Variants in ZCCHC14 observed in about 807,000 individuals in gnomAD.
ZCCHC14 encodes the protein zinc finger CCHC-type containing 14, also known as zinc finger CCHC domain-containing protein 14.
In ZCCHC14, 16 loss-of-function variants were observed where a neutral mutation model predicts 85.0. That is an observed-to-expected ratio of 0.19 (90% CI 0.13 to 0.29). The LOEUF (loss-of-function observed/expected upper bound fraction) is 0.29. Among genes scored for constraint, ZCCHC14 ranks in the 10% least tolerant of loss-of-function variants. The pLI, the probability that ZCCHC14 is intolerant of heterozygous loss-of-function variation, is 1.00. For synonymous variants in ZCCHC14, 775 were observed against 630.7 expected, an observed-to-expected ratio of 1.23 and a Z score of -3.43; for missense variants, 1,303 against 1,443.5, an observed-to-expected ratio of 0.90 and a Z score of 1.58.
At chr16:87,442,770 T>C (rs1318736331) in intron 2 of ZCCHC14, among the ~76,000 whole-genome samples, 8 of 152,056 alleles carry the variant, frequency 5.3e-5, no homozygotes, top group Non-Finnish European at 1.0e-4. Flanking sequence ...TCAAAAACAA[T>C]ACATTACCTC....
intron 2 of ZCCHC14, among the ~76,000 whole-genome samples, chr16:87,443,386 G>A (rs1351557067): frequency 6.6e-6 from 1 of 152,136 alleles, no homozygotes; most frequent in Non-Finnish European, 1.5e-5. Context: ...ATTGTCAAGT[G>A]AGCCTTTTAT....
chr16:87,414,592 C>A (rs1567509539), intron 9 of ZCCHC14, 51 bp from the exon 10 acceptor site: 1 of 1,565,576 alleles, frequency 6.4e-7, no homozygotes. Context: ...ACTGGTGCTG[C>A]CTCACATGCG....
chr16:87,451,140 T>C (rs1910679194), intron 2 of ZCCHC14, among the ~76,000 whole-genome samples: 1 of 151,212 alleles, frequency 6.6e-6, no homozygotes. Flanking sequence ...CCTCAGGTGA[T>C]CCGCCCGCCT....
intron 2 of ZCCHC14, among the ~76,000 whole-genome samples, chr16:87,450,568 CTT>C (rs896071309): frequency 2.2e-4 from 27 of 125,554 alleles, no homozygotes; most frequent in Admixed American, 2.4e-4. Context: ...ATAATAGATT[CTT>C]TTTTTTTTTT....
At chr16:87,477,165 G>C (rs1172726448) in intron 1 of ZCCHC14, among the ~76,000 whole-genome samples, 1 of 128,478 alleles carries the variant, frequency 7.8e-6, no homozygotes, top group Non-Finnish European at 1.6e-5. Context: ...AAAAAAAATT[G>C]AAGTGGTGAA....
At chr16:87,430,078 T>C (rs1461738662) in intron 3 of ZCCHC14, among the ~76,000 whole-genome samples, 2 of 152,244 alleles carry the variant, frequency 1.3e-5, no homozygotes, top group Admixed American at 1.3e-4. Context: ...TTCTAATTCA[T>C]CGATGTTGTC....
chr16:87,432,267 G>C (rs907357262), intron 3 of ZCCHC14, among the ~76,000 whole-genome samples: 7 of 152,124 alleles, frequency 4.6e-5, no homozygotes, highest in African/African-American at 1.7e-4. Context: ...CCCTGACTGG[G>C]AGCTCGGCAC....
intron 1 of ZCCHC14, among the ~76,000 whole-genome samples, chr16:87,476,059 C>A (rs549633251): frequency 6.6e-6 from 1 of 152,310 alleles, no homozygotes; most frequent in East Asian, 1.9e-4. Flanking sequence ...GAGACAGGGT[C>A]TCGACTTCTC....
At chr16:87,430,526 T>A (rs187327917) in intron 3 of ZCCHC14, among the ~76,000 whole-genome samples, 1 of 146,872 alleles carries the variant, frequency 6.8e-6, no homozygotes, top group East Asian at 2.0e-4. Context: ...ATTTCTTTCT[T>A]TTTTTTTTTT....
chr16:87,474,791 A>G (rs1230721701), intron 1 of ZCCHC14, among the ~76,000 whole-genome samples: 1 of 152,196 alleles, frequency 6.6e-6, no homozygotes, highest in Non-Finnish European at 1.5e-5. Flanking sequence ...GCACCCTGGG[A>G]GGGGACAGCA....
At chr16:87,424,577 C>T (rs1006050737) in intron 3 of ZCCHC14, among the ~76,000 whole-genome samples, 1 of 152,150 alleles carries the variant, frequency 6.6e-6, no homozygotes, top group African/African-American at 2.4e-5. Flanking sequence ...TCCATCTCCC[C>T]ACATGCACGC....
intron 1 of ZCCHC14, among the ~76,000 whole-genome samples, chr16:87,476,040 C>A (rs1423475673): frequency 3.3e-5 from 5 of 152,134 alleles, no homozygotes; most frequent in Non-Finnish European, 7.4e-5. Context: ...ACAGCAGAGC[C>A]CTGGAGGAGA....
intron 1 of ZCCHC14, among the ~76,000 whole-genome samples, chr16:87,484,239 C>G (rs562499156): frequency 1.3e-5 from 2 of 152,340 alleles, no homozygotes; most frequent in South Asian, 4.1e-4. Context: ...TTGCCTGACC[C>G]TTAAAACGTC....
intron 1 of ZCCHC14, among the ~76,000 whole-genome samples, chr16:87,461,959 G>A (rs1911280437): frequency 6.6e-6 from 1 of 152,148 alleles, no homozygotes; most frequent in Non-Finnish European, 1.5e-5. Context: ...TACATAATTG[G>A]GAAGTTTATG....
At chr16:87,447,555 G>C (rs1910502395) in intron 2 of ZCCHC14, among the ~76,000 whole-genome samples, 1 of 152,182 alleles carries the variant, frequency 6.6e-6, no homozygotes, top group Non-Finnish European at 1.5e-5. Context: ...GAAAATGACT[G>C]AGTTCTCTTC....
intron 8 of ZCCHC14, among the ~76,000 whole-genome samples, chr16:87,415,680 C>T (rs771484249): frequency 5.9e-5 from 9 of 152,212 alleles, no homozygotes; most frequent in Non-Finnish European, 1.3e-4. Flanking sequence ...GCCCACTTGC[C>T]CTCTGCTCTG....
chr16:87,419,223 G>A lies in ZCCHC14; in HGVS notation c.1046-322C>T, dbSNP rs1908959689. 2.0e-5 allele frequency among the ~76,000 whole-genome samples: 3 copies of A among 151,656 alleles called. No individual in the cohort carries two copies. In the South Asian group the frequency reaches 6.2e-4, roughly 32 times the overall value. ...GGCTCACTGCAACCACCGCCTCCCGGGTTCAAGTGATTCTCCTGCCTCAGC... is the reference window on the plus strand; with the variant it reads ...GGCTCACTGCAACCACCGCCTCCCGAGTTCAAGTGATTCTCCTGCCTCAGC... On this transcript the variant is annotated intron_variant, in intron 6 of 12. Transcript: ENST00000671377.
chr16:87,461,598 A>T (rs145070710), intron 1 of ZCCHC14, among the ~76,000 whole-genome samples: 79 of 152,332 alleles, frequency 5.2e-4, no homozygotes, highest in African/African-American at 1.9e-3. Context: ...TGACCAAAAC[A>T]TCCCCTAAGT....
At position 87,491,471 on chromosome 16, in the gene ZCCHC14, G is replaced by A. The variant is rs1471175214; in HGVS notation, c.570+198C>T. On this transcript the variant is annotated intron_variant, in intron 1 of 12. Transcript: ENST00000671377. The surrounding 1 kb of genome is among the most constrained non-coding windows in gnomAD (Gnocchi z 5.9). ...GCTTGGAGAGGTGGGGCACACATTT[G>A]GGGTGCGACATAGAGGCTTAGGATG... Among the ~76,000 whole-genome samples the A allele has an allele frequency of 6.6e-6, 1 of 152,072 alleles. No individual in the cohort carries two copies. Among genetic ancestry groups the A allele is most frequent in the Non-Finnish European group, 1.5e-5 (1 of 67,978 alleles).
Sources: allele counts gnomAD v4.1 joint callset (sites outside exome capture counted in the v4.1 genomes callset), GRCh38; gene constraint gnomAD v4.1.1; non-coding constraint Gnocchi (gnomAD v3.1); transcripts MANE v1.5; gene names NCBI Gene and HGNC (gene_info 2026-07-23, HGNC 2026-07-21).